The following ZNF429 variants were observed in gnomAD, a reference collection of about 807,000 sequenced individuals.
ZNF429 encodes zinc finger protein 429.
ZNF429 carries 53 observed loss-of-function variants against 56.8 expected under a neutral mutation model. The ratio of observed to expected loss-of-function variants is 0.93; its 90% CI spans 0.75 to 1.17. ZNF429 has a LOEUF of 1.17. ZNF429 is among the 50% of genes most tolerant of loss of function. The probability of loss-of-function intolerance (pLI) is 0.00; values close to 1 mark genes in which losing one functional copy is unlikely to be tolerated. For synonymous variants in ZNF429, 278 were observed against 264.7 expected (o/e 1.05, Z -0.49); for missense variants, 849 against 788.4 (o/e 1.08, Z -0.92).
rs1195964031 is a variant in ZNF429 at position 21,540,342 on chromosome 19, G to C, written c.*2264G>C. ...GCCAGTAGCTTTAACTGGCAGATAA[G>C]TTAATATTGTTCCCATAGGTTAAAT... On this transcript the variant is annotated 3_prime_UTR_variant, in exon 4 of 4. Transcript: ENST00000358491. Among the ~76,000 whole-genome samples the C allele has an allele frequency of 6.6e-6, 1 of 151,958 alleles. No homozygotes were observed. The highest frequency in any genetic ancestry group is 1.5e-5 in the Non-Finnish European group (1 of 67,958).
At chr19:21,512,264 C>G (rs2032521608) in intron 1 of ZNF429, among the ~76,000 whole-genome samples, 1 of 152,140 alleles carries the variant, frequency 6.6e-6, no homozygotes. Flanking sequence ...AGGTTACTCT[C>G]AGGGCCATCT....
Position 21,540,080 on chromosome 19 carries a change from G to T in ZNF429, c.*2002G>T, listed in dbSNP as rs981487801. Among the ~76,000 whole-genome samples the T allele has an allele frequency of 6.6e-6, 1 of 152,136 alleles. No individual in the cohort carries two copies. Among genetic ancestry groups the T allele is most frequent in the African/African-American group, 2.4e-5 (1 of 41,436 alleles). On this transcript the variant is annotated 3_prime_UTR_variant, in exon 4 of 4. Coordinates refer to ENST00000358491, the MANE Select transcript of ZNF429 (RefSeq NM_001001415.4). ...TTAAAAGTGAATTTATAATAAAATT[G>T]TAAATCATTTTAGTGATTGAGCTTT...
intron 3 of ZNF429, among the ~76,000 whole-genome samples, chr19:21,535,365 C>CT: frequency 1.4e-5 from 1 of 71,024 alleles, no homozygotes; most frequent in Non-Finnish European, 2.8e-5. Flanking sequence ...TTTCTTCTTT[C>CT]TTTCTTTCTT....
At chr19:21,525,892 A>G (rs1368603571) in intron 1 of ZNF429, among the ~76,000 whole-genome samples, 4 of 151,162 alleles carry the variant, frequency 2.6e-5, no homozygotes, top group African/African-American at 9.7e-5. Context: ...TGGGTCCTTT[A>G]TCTAAATCCT....
Position 21,505,639 on chromosome 19 carries a change from T to A in ZNF429, c.-133T>A. On this transcript the variant is annotated 5_prime_UTR_variant, in exon 1 of 4. Coordinates refer to ENST00000358491, the MANE Select transcript of ZNF429 (RefSeq NM_001001415.4). ...ATATGGCGGGGCGTTTGGCTCTTGC[T>A]GCAGCCAGAGCTCCAGGTCTCGTCT... 1.1e-6 allele frequency: 1 copy of A among 925,066 alleles called. No homozygotes were observed. The highest frequency in any genetic ancestry group is 1.6e-6 in the Non-Finnish European group (1 of 633,090). 57.3% of individuals were successfully genotyped at this position (925,066 alleles called of 1,614,324 possible).
intron 3 of ZNF429, among the ~76,000 whole-genome samples, chr19:21,532,284 T>C: frequency 6.6e-5 from 10 of 151,780 alleles, no homozygotes; most frequent in African/African-American, 2.4e-4. Flanking sequence ...AAAATTTACA[T>C]GAAACTACAA....
chr19:21,531,022 C>T, intron 3 of ZNF429, among the ~76,000 whole-genome samples: 1 of 145,584 alleles, frequency 6.9e-6, no homozygotes, highest in African/African-American at 2.5e-5. Flanking sequence ...AGGAGAATCG[C>T]TTGAATCTGG....
At position 21,539,431 on chromosome 19, in the gene ZNF429, TA is replaced by T. The variant is rs1277247780; in HGVS notation, c.*1354del. On this transcript the variant is annotated 3_prime_UTR_variant, in exon 4 of 4. Transcript: ENST00000358491. ...TTATATTCAAAGTGTACTTTTTATT[TA>T]TTTTTTTGAGATGGAGTCTCACTTT... is the stretch of plus-strand genomic sequence containing the variant. Among the ~76,000 whole-genome samples, 6 of 152,156 alleles carry T rather than the reference TA, an allele frequency of 3.9e-5. No homozygotes were observed. The highest frequency in any genetic ancestry group is 1.2e-4 in the African/African-American group (5 of 41,436).
intron 1 of ZNF429, among the ~76,000 whole-genome samples, chr19:21,509,986 G>A (rs2145414352): frequency 6.6e-6 from 1 of 151,228 alleles, no homozygotes; most frequent in Middle Eastern, 3.4e-3. Context: ...TCTGCTTACT[G>A]CAACCTCCAC....
At chr19:21,531,755 AAG>A in intron 3 of ZNF429, among the ~76,000 whole-genome samples, 1 of 151,758 alleles carries the variant, frequency 6.6e-6, no homozygotes, top group East Asian at 1.9e-4. Flanking sequence ...GCAGTGAGCC[AAG>A]CTCATGCCAC....
chr19:21,526,425 A>T (rs545177993), intron 1 of ZNF429, among the ~76,000 whole-genome samples: 1 of 152,132 alleles, frequency 6.6e-6, no homozygotes, highest in Non-Finnish European at 1.5e-5. Flanking sequence ...GAGAACAGAA[A>T]ACCTTTTATC....
At chr19:21,530,986 A>G in intron 3 of ZNF429, among the ~76,000 whole-genome samples, 6 of 151,644 alleles carry the variant, frequency 4.0e-5, no homozygotes, top group African/African-American at 1.5e-4. Context: ...CATGCCTGCA[A>G]TCCCAGCTTC....
At position 21,537,511 on chromosome 19, in the gene ZNF429, T is replaced by C; in HGVS notation, c.1458T>C (p.Cys486=). 3.7e-6 allele frequency: 6 copies of C among 1,613,820 alleles called. No individual in the cohort carries two copies. The highest frequency in any genetic ancestry group is 2.5e-6 in the Non-Finnish European group (3 of 1,179,994). ...TGEKPYKCEE[C]GKAFKQSSNL... is the part of the protein sequence containing the mutation. ...AGAAACCCTACAAATGTGAAGAATG[T>C]GGCAAAGCCTTTAAGCAGTCCTCAA... The change falls in exon 4 of 4, where the codon TGT becomes TGC. Residue 486 remains cysteine, a synonymous_variant. Coordinates refer to ENST00000358491, the MANE Select transcript of ZNF429 (RefSeq NM_001001415.4).
At chr19:21,535,389 C>A in intron 3 of ZNF429, among the ~76,000 whole-genome samples, 1 of 33,370 alleles carries the variant, frequency 3.0e-5, no homozygotes, top group Non-Finnish European at 5.2e-5. Flanking sequence ...TTTTTACTTT[C>A]TTTCTTTCTT....
intron 1 of ZNF429, among the ~76,000 whole-genome samples, chr19:21,509,236 A>G (rs1304253030): frequency 2.6e-5 from 4 of 152,076 alleles, no homozygotes; most frequent in Non-Finnish European, 4.4e-5. Flanking sequence ...CGAACTCCTG[A>G]GCTCTGGCAA....
At chr19:21,526,723 T>A (rs188581685) in intron 1 of ZNF429, among the ~76,000 whole-genome samples, 359 of 152,178 alleles carry the variant, frequency 2.4e-3, no homozygotes, top group Non-Finnish European at 4.2e-3. Flanking sequence ...CAATTAATAA[T>A]CAATTTTTTT....
intron 1 of ZNF429, among the ~76,000 whole-genome samples, chr19:21,526,704 A>G (rs983469109): frequency 2.6e-5 from 4 of 152,230 alleles, no homozygotes; most frequent in African/African-American, 9.6e-5. Flanking sequence ...TTAACGATGT[A>G]TATATACCCA....
chr19:21,530,245 A>C lies in ZNF429; in HGVS notation c.131-344A>C. ...TGTTCATGTAGAAAAGAATTTCTTC[A>C]AGATGTTTTGTCTTCACCTGAACTT... On this transcript the variant is annotated intron_variant, in intron 2 of 3. Transcript: ENST00000358491. Among the ~76,000 whole-genome samples the C allele has an allele frequency of 2.0e-5, 3 of 151,870 alleles. No homozygotes were observed. In the East Asian group the frequency reaches 5.8e-4, roughly 29 times the overall value.
chr19:21,512,277 G>A (rs868381738), intron 1 of ZNF429, among the ~76,000 whole-genome samples: 28 of 152,106 alleles, frequency 1.8e-4, no homozygotes, highest in Admixed American at 1.3e-4. Flanking sequence ...GGCCATCTTG[G>A]TTTTGGTGGG....
Sources: gnomAD v4.1 joint callset for allele counts (sites outside exome capture counted in the v4.1 genomes callset) on GRCh38, gnomAD v4.1.1 for gene constraint, MANE v1.5 for transcripts, NCBI Gene and HGNC (gene_info 2026-07-23, HGNC 2026-07-21) for gene names.